NRG1: variants seen among roughly 807,000 people sequenced by gnomAD.
NRG1 encodes pro-neuregulin-1, membrane-bound isoform.
Under a neutral mutation model 63.8 loss-of-function variants are expected in NRG1, and 18 were observed. The ratio of observed to expected loss-of-function variants is 0.28; its 90% CI spans 0.19 to 0.42. The LOEUF is 0.42. Ranked by LOEUF, NRG1 falls within the 10% of genes least tolerant of loss-of-function variation. The probability of loss-of-function intolerance (pLI) is 1.00; values close to 1 mark genes in which losing one functional copy is unlikely to be tolerated. For synonymous variants in NRG1, 302 were observed against 301.3 expected, an observed-to-expected ratio of 1.00 and a Z score of -0.02; for missense variants, 762 against 814.7, an observed-to-expected ratio of 0.94 and a Z score of 0.79.
chr8:31,655,876 G>C (rs893532265), intron 1 of NRG1, among the ~76,000 whole-genome samples: 1 of 152,188 alleles, frequency 6.6e-6, no homozygotes, highest in East Asian at 1.9e-4. Flanking sequence ...TACAAAGGGC[G>C]GTGGGGAGGA....
At chr8:32,279,237 G>A (rs570098835) in intron 1 of NRG1, among the ~76,000 whole-genome samples, 18 of 152,280 alleles carry the variant, frequency 1.2e-4, no homozygotes, top group African/African-American at 3.8e-4. Context: ...GTGCCATACC[G>A]AGTGCAAGCT....
chr8:32,482,398 T>TTTTGTGTGTGTGTG (rs141001148), intron 1 of NRG1, among the ~76,000 whole-genome samples: 1 of 148,220 alleles, frequency 6.7e-6, no homozygotes, highest in Non-Finnish European at 1.5e-5. Flanking sequence ...CTTTCTACTT[T>TTTTGTGTGTGTGTG]TGTGTGTGTG....
intron 1 of NRG1, among the ~76,000 whole-genome samples, chr8:32,492,889 A>G (rs1228560977): frequency 6.6e-6 from 1 of 152,182 alleles, no homozygotes; most frequent in African/African-American, 2.4e-5. Context: ...GGTTAAATTC[A>G]TGTATTTTTA....
At chr8:32,647,222 A>G (rs1853774282) in intron 5 of NRG1, 1 of 985,168 alleles carries the variant, frequency 1.0e-6, no homozygotes, top group Non-Finnish European at 1.2e-6. Flanking sequence ...TATTGTCACT[A>G]CTGCCTCTCC....
chr8:32,472,769 T>A (rs1379741208), intron 1 of NRG1, among the ~76,000 whole-genome samples: 1 of 152,224 alleles, frequency 6.6e-6, no homozygotes, highest in African/African-American at 2.4e-5. Flanking sequence ...TGTTGTTGTT[T>A]GCGTTGTCGT....
At chr8:32,028,843 T>C (rs577170730) in intron 1 of NRG1, among the ~76,000 whole-genome samples, 8 of 152,320 alleles carry the variant, frequency 5.3e-5, no homozygotes, top group Non-Finnish European at 2.9e-5. Flanking sequence ...TCACTTTCAA[T>C]TGATACATTT....
intron 1 of NRG1, among the ~76,000 whole-genome samples, chr8:32,340,199 A>C (rs565246623): frequency 5.9e-4 from 90 of 152,366 alleles, no homozygotes; most frequent in African/African-American, 2.0e-3. Context: ...AAAACAATAC[A>C]CATGTAAAAA....
intron 1 of NRG1, among the ~76,000 whole-genome samples, chr8:31,919,824 C>G (rs1833749475): frequency 6.6e-6 from 1 of 152,056 alleles, no homozygotes; most frequent in Non-Finnish European, 1.5e-5. Flanking sequence ...TTTATTAATA[C>G]AAGGTGGGTC....
chr8:31,915,071 A>AT (rs35702085), intron 1 of NRG1, among the ~76,000 whole-genome samples: 81,776 of 147,696 alleles, frequency 0.55, 22,567 homozygotes, highest in East Asian at 0.91. Flanking sequence ...TGTTCAGACC[A>AT]TTTTTTTTTT....
chr8:32,430,857 G>T (rs1818053528), intron 1 of NRG1, among the ~76,000 whole-genome samples: 1 of 143,962 alleles, frequency 6.9e-6, no homozygotes, highest in African/African-American at 2.6e-5. Context: ...TTTAAGCATT[G>T]TTCAACATTT....
At chr8:32,120,052 A>G (rs890064184) in intron 1 of NRG1, among the ~76,000 whole-genome samples, 9 of 152,066 alleles carry the variant, frequency 5.9e-5, no homozygotes, top group African/African-American at 2.2e-4. Context: ...CAGCTTTAAA[A>G]TAATCTTCAA....
chr8:31,789,981 G>C (rs1820543356), intron 1 of NRG1, among the ~76,000 whole-genome samples: 1 of 152,026 alleles, frequency 6.6e-6, no homozygotes, highest in South Asian at 2.1e-4. Context: ...ACTGCTCAAG[G>C]AAGCATATCC....
intron 1 of NRG1, among the ~76,000 whole-genome samples, chr8:32,054,863 CTTTTTTTTTTTTTTTTTTTTTT>C (rs543522972): frequency 1.4e-4 from 9 of 64,024 alleles, no homozygotes; most frequent in South Asian, 7.5e-4. Context: ...TTCTTTCTTT[CTTTTTTTTTTTTTTTTTTTTTT>C]TTTTTTTTTT....
chr8:32,225,677 A>G (rs554023006), intron 1 of NRG1, among the ~76,000 whole-genome samples: 30 of 152,302 alleles, frequency 2.0e-4, no homozygotes, highest in African/African-American at 6.7e-4. Context: ...AAGATAGAGT[A>G]ATATGGGAAA....
At chr8:32,280,823 G>C (rs1852705643) in intron 1 of NRG1, among the ~76,000 whole-genome samples, 1 of 123,878 alleles carries the variant, frequency 8.1e-6, no homozygotes, top group Non-Finnish European at 1.6e-5. Context: ...TGCATGGTAT[G>C]ATCTCGGCTC....
rs114710369 is a variant in NRG1 at position 31,639,677 on chromosome 8, C to T, written c.37+246C>T. On this transcript the variant is annotated intron_variant, in intron 1 of 10. Transcript: ENST00000519301. ...GCAGGGCTCGGGCGCGGCGGCGGCG[C>T]GGGGGGTGGGGGGACCTGTCACTCC... The T allele has an allele frequency of 3.6e-3, 5,018 of 1,391,034 alleles. 130 individuals carry two copies. In the African/African-American group the frequency reaches 0.06, roughly 17 times the overall value. 86.2% of individuals were successfully genotyped at this position (1,391,034 alleles called of 1,614,324 possible).
chr8:32,662,358 T>A (rs919308899), intron 5 of NRG1, among the ~76,000 whole-genome samples: 2 of 152,150 alleles, frequency 1.3e-5, no homozygotes, highest in East Asian at 1.9e-4. Context: ...ATGGCTTAAG[T>A]GTAGCATGGG....
At chr8:32,252,598 C>A (rs554734627) in intron 1 of NRG1, among the ~76,000 whole-genome samples, 1 of 152,100 alleles carries the variant, frequency 6.6e-6, no homozygotes, top group East Asian at 1.9e-4. Flanking sequence ...GTTACTGTAG[C>A]CTTGTAGTAT....
At chr8:32,461,559 G>T (rs1394761914) in intron 1 of NRG1, among the ~76,000 whole-genome samples, 27 of 152,104 alleles carry the variant, frequency 1.8e-4, no homozygotes, top group Non-Finnish European at 7.3e-5. Context: ...TTAGCTGGGT[G>T]TGGTGGCGGG....
Sources: allele counts gnomAD v4.1 joint callset (sites outside exome capture counted in the v4.1 genomes callset), GRCh38; gene constraint gnomAD v4.1.1; transcripts MANE v1.5; gene names NCBI Gene and HGNC (gene_info 2026-07-23, HGNC 2026-07-21).